AGL: variants seen among roughly 807,000 people sequenced by gnomAD.
AGL encodes the protein amylo-alpha-1,6-glucosidase and 4-alpha-glucanotransferase.
In AGL, 128 loss-of-function variants were observed where a neutral mutation model predicts 199.3. That is an observed-to-expected ratio of 0.64 (90% CI 0.56 to 0.74). The LOEUF is 0.74. Among genes scored for constraint, AGL ranks in the 30% least tolerant of loss-of-function variants. The pLI is 0.00. For missense variants in AGL, 1,809 were observed against 1,820.8 expected, an observed-to-expected ratio of 0.99 and a Z score of 0.12; for synonymous variants, 584 against 594.7, an observed-to-expected ratio of 0.98 and a Z score of 0.26.
chr1:99,900,065 GACT>G (rs1653699598), intron 25 of AGL, among the ~76,000 whole-genome samples: 1 of 151,886 alleles, frequency 6.6e-6, no homozygotes, highest in African/African-American at 2.4e-5. Context: ...GAGTAGCTGG[GACT>G]ACAGGCACGC....
At chr1:99,865,801 T>C (rs1379060817) in intron 5 of AGL, among the ~76,000 whole-genome samples, 1 of 152,242 alleles carries the variant, frequency 6.6e-6, no homozygotes, top group Non-Finnish European at 1.5e-5. Flanking sequence ...TAAAAGCTCA[T>C]AGATCTGGTT....
intron 20 of AGL, among the ~76,000 whole-genome samples, chr1:99,886,914 C>G (rs903125): frequency 6.6e-6 from 1 of 152,070 alleles, no homozygotes; most frequent in Non-Finnish European, 1.5e-5. Context: ...CTCCTCAGAC[C>G]TGCTCAGATT....
rs747688654 is a variant in AGL at position 99,870,886 on chromosome 1, A to G, written c.958+17A>G. ...TTACACAAGGTAAAGGATACATACT[A>G]GAATGTTCCTATCGATTTTAAGAAA... On this transcript the variant is annotated intron_variant, in intron 7 of 33. Transcript: ENST00000361915. 2 of 1,410,876 alleles carry G rather than the reference A, an allele frequency of 1.4e-6. No individual in the cohort carries two copies. The highest frequency in any genetic ancestry group is 1.0e-6 in the Non-Finnish European group (1 of 996,982). The allele number at this position is 1,410,876 out of a possible 1,614,324, so 87.4% of individuals were successfully genotyped here. A position where few individuals can be genotyped will look rare whatever the true frequency, so the allele number is the denominator to read the frequency against.
intron 7 of AGL, chr1:99,874,327 A>C (rs1310571688): frequency 6.6e-6 from 1 of 152,608 alleles, no homozygotes. Context: ...CCTAGAACTT[A>C]AAGTATAATA....
chr1:99,881,330 G>T lies in AGL; in HGVS notation c.2040G>T (p.Trp680Cys), dbSNP rs756760991. ...CTGAAGAACGGTTTTACACTAAGTG[G>T]AATCCTGAAGCATTGCCTTCAAACA... ...VVSEERFYTK[W>C]NPEALPSNTG... The change falls in exon 16 of 34, where the codon TGG (tryptophan) becomes TGT (cysteine). Residue 680 changes from tryptophan to cysteine, a missense_variant. Physicochemically the swap from Trp to Cys is radical, Grantham distance 215 (BLOSUM62 -2). Coordinates refer to ENST00000361915, the MANE Select transcript of AGL (RefSeq NM_000642.3). 1.9e-6 allele frequency: 3 copies of T among 1,613,962 alleles called. No homozygotes were observed. The highest frequency in any genetic ancestry group is 2.5e-6 in the Non-Finnish European group (3 of 1,180,014).
At chr1:99,908,570 A>G (rs1321849530) in intron 27 of AGL, among the ~76,000 whole-genome samples, 2 of 152,138 alleles carry the variant, frequency 1.3e-5, no homozygotes, top group African/African-American at 4.8e-5. Flanking sequence ...GAGCATTTTT[A>G]TGATACCTCC....
intron 3 of AGL, 80 bp downstream of exon 3, chr1:99,861,793 G>T: frequency 6.6e-7 from 1 of 1,509,814 alleles, no homozygotes; most frequent in South Asian, 1.1e-5. Flanking sequence ...AAATGTTACT[G>T]TATGAACCAT....
intron 33 of AGL, among the ~76,000 whole-genome samples, chr1:99,920,813 T>G (rs1655465207): frequency 6.6e-6 from 1 of 152,192 alleles, no homozygotes; most frequent in Non-Finnish European, 1.5e-5. Flanking sequence ...CTGTACTTTT[T>G]GAATTTGTTT....
intron 27 of AGL, among the ~76,000 whole-genome samples, chr1:99,910,369 T>C (rs1231684980): frequency 6.6e-6 from 1 of 152,234 alleles, no homozygotes; most frequent in Non-Finnish European, 1.5e-5. Flanking sequence ...TTTCCCATTG[T>C]ATGAATAAAC....
intron 24 of AGL, among the ~76,000 whole-genome samples, chr1:99,893,309 G>C (rs892390128): frequency 2.0e-5 from 3 of 152,118 alleles, no homozygotes; most frequent in African/African-American, 4.8e-5. Context: ...CAGCTACTTA[G>C]ACCAGATAAA....
intron 30 of AGL, 137 bp from the exon 31 acceptor site, chr1:99,915,252 T>C (rs1655024813): frequency 2.7e-6 from 2 of 746,696 alleles, no homozygotes; most frequent in Non-Finnish European, 4.8e-6. Flanking sequence ...TTAGATCTGT[T>C]TAGGCATCTA....
At position 99,896,359 on chromosome 1, in the gene AGL, G is replaced by C. The variant is rs1016512595; in HGVS notation, c.3333G>C (p.Leu1111=). ...CTTTTATTGCACTTAGAGGTATACT[G>C]CTGATTACTGGACGCTATGTAGAAG... ...RDTFIALRGI[L]LITGRYVEAR... Residue 1111 remains leucine, a synonymous_variant, in exon 25 of 34, where the codon CTG becomes CTC. Coordinates refer to ENST00000361915, the MANE Select transcript of AGL (RefSeq NM_000642.3). 3 of 1,613,886 alleles carry C rather than the reference G, an allele frequency of 1.9e-6. No individual in the cohort carries two copies. The highest frequency in any genetic ancestry group is 2.5e-6 in the Non-Finnish European group (3 of 1,179,958).
chr1:99,909,909 A>G (rs953774862), intron 27 of AGL, among the ~76,000 whole-genome samples: 1 of 152,192 alleles, frequency 6.6e-6, no homozygotes, highest in Non-Finnish European at 1.5e-5. Context: ...CTTATGCTAT[A>G]TATTACATAG....
chr1:99,867,615 G>A (rs1042095717), intron 5 of AGL, among the ~76,000 whole-genome samples: 1 of 151,644 alleles, frequency 6.6e-6, no homozygotes, highest in African/African-American at 2.4e-5. Context: ...GAGTGCAGTG[G>A]CGCAGTCTTG....
At chr1:99,877,015 G>A (rs1310343573) in intron 11 of AGL, among the ~76,000 whole-genome samples, 3 of 152,122 alleles carry the variant, frequency 2.0e-5, no homozygotes, top group Non-Finnish European at 2.9e-5. Flanking sequence ...AGAACCTAAT[G>A]GTTTTAGGTC....
At chr1:99,892,688 T>A in intron 24 of AGL, 81 bp downstream of exon 24, 2 of 1,364,942 alleles carry the variant, frequency 1.5e-6, no homozygotes, top group Non-Finnish European at 2.0e-6. Context: ...GATTATTTTT[T>A]AAAAGCTTGT....
intron 27 of AGL, among the ~76,000 whole-genome samples, chr1:99,904,942 G>A (rs191283476): frequency 1.3e-5 from 2 of 152,272 alleles, no homozygotes; most frequent in East Asian, 1.9e-4. Flanking sequence ...GAACATTCAT[G>A]TACAAGTTTT....
At position 99,862,402 on chromosome 1, in the gene AGL, C is replaced by T. The variant is rs1650123395; in HGVS notation, c.439C>T (p.Leu147Phe). 6.2e-7 allele frequency: 1 copy of T among 1,613,924 alleles called. No homozygotes were observed. Among genetic ancestry groups the T allele is most frequent in the African/African-American group, 1.3e-5 (1 of 74,878 alleles). Residue 147 changes from leucine (L) to phenylalanine (F), a missense_variant, in exon 4 of 34, where the codon CTT (leucine) becomes TTT (phenylalanine). Coordinates refer to ENST00000361915, the MANE Select transcript of AGL (RefSeq NM_000642.3). ...ACCTTTTGATGAATGGGAAAGCAGACTTAGGGTTGCAAAAGAATCAGGTAA... is the reference window on the plus strand; with the variant it reads ...ACCTTTTGATGAATGGGAAAGCAGATTTAGGGTTGCAAAAGAATCAGGTAA... ...LGPFDEWESRLRVAKESGYNM... is the reference protein window; with the variant it reads ...LGPFDEWESRFRVAKESGYNM...
In AGL at chr1:99,884,225, A is replaced by G. The variant is rs1652271063; in HGVS notation, c.2414A>G (p.Glu805Gly). ...SINGTPDITV[E>G]IREHIQLNES... ...AATGGAACACCAGATATCACAGTAG[A>G]AATTAGAGAACATATTCAGGTATTT... The change falls in exon 18 of 34, where the codon GAA becomes GGA. Residue 805 changes from glutamate to glycine, a missense_variant. Physicochemically the swap from Glu to Gly is moderately conservative, Grantham distance 98 (BLOSUM62 -2). Coordinates refer to ENST00000361915, the MANE Select transcript of AGL (RefSeq NM_000642.3). 2 of 1,613,314 alleles carry G rather than the reference A, an allele frequency of 1.2e-6. No individual in the cohort carries two copies. Among genetic ancestry groups the G allele is most frequent in the Non-Finnish European group, 1.7e-6 (2 of 1,179,550 alleles).
Sources: allele counts gnomAD v4.1 joint callset (sites outside exome capture counted in the v4.1 genomes callset), GRCh38; gene constraint gnomAD v4.1.1; transcripts MANE v1.5; gene names NCBI Gene and HGNC (gene_info 2026-07-23, HGNC 2026-07-21).